CTTNBP2: variants seen among roughly 807,000 people sequenced by gnomAD.
The protein encoded by CTTNBP2 is cortactin-binding protein 2.
CTTNBP2 carries 108 observed loss-of-function variants against 156.9 expected under a neutral mutation model. The ratio of observed to expected loss-of-function variants is 0.69; its 90% CI spans 0.59 to 0.81. The LOEUF is 0.81. Ranked by LOEUF, CTTNBP2 falls within the 30% of genes least tolerant of loss-of-function variation. The pLI is 0.00. For synonymous variants in CTTNBP2, 767 were observed against 751.8 expected (o/e 1.02, Z -0.33); for missense variants, 1,924 against 2,035.4 (o/e 0.95, Z 1.05).
chr7:117,815,919 T>G (rs1380332709), intron 2 of CTTNBP2, among the ~76,000 whole-genome samples: 1 of 152,152 alleles, frequency 6.6e-6, no homozygotes, highest in Admixed American at 6.5e-5. Flanking sequence ...GGTACTTGTA[T>G]TTAACTGACG....
chr7:117,720,772 C>A (rs1376417434), intron 20 of CTTNBP2, among the ~76,000 whole-genome samples: 2 of 152,140 alleles, frequency 1.3e-5, no homozygotes, highest in Non-Finnish European at 2.9e-5. Context: ...TTCACAAATG[C>A]ATAAACAAAA....
intron 16 of CTTNBP2, among the ~76,000 whole-genome samples, chr7:117,730,181 T>C (rs1441454041): frequency 6.6e-6 from 1 of 152,108 alleles, no homozygotes; most frequent in East Asian, 1.9e-4. Flanking sequence ...CAAGTGCTGC[T>C]CCTTCTGCCC....
Position 117,868,301 on chromosome 7 carries a change from G to A in CTTNBP2, c.81+5034C>T, listed in dbSNP as rs554112708. 4.6e-5 allele frequency among the ~76,000 whole-genome samples: 7 copies of A among 152,320 alleles called. 1 individual carries two copies. In the South Asian group the frequency reaches 1.4e-3, roughly 32 times the overall value. ...ATTTTCAAATGAAAAGGCTGGGCCA[G>A]ATGAAGACGCAGGCCTTTGGAACCA... is the stretch of plus-strand genomic sequence containing the variant. On this transcript the variant is annotated intron_variant, in intron 1 of 22. Transcript: ENST00000160373.
At chr7:117,718,736 A>G (rs533349220) in intron 21 of CTTNBP2, among the ~76,000 whole-genome samples, 1 of 152,324 alleles carries the variant, frequency 6.6e-6, no homozygotes, top group South Asian at 2.1e-4. Context: ...TATGCATTAT[A>G]CAAGCTAATT....
rs34444220 is a variant in CTTNBP2 at position 117,858,326 on chromosome 7, C to T, written c.189+2883G>A. ...TGGGGCTTGCAGTGAGCCGAGATCGCACCACTGCACTCCAGCCTGGGCGAC... is the reference window on the plus strand; with the variant it reads ...TGGGGCTTGCAGTGAGCCGAGATCGTACCACTGCACTCCAGCCTGGGCGAC... On this transcript the variant is annotated intron_variant, in intron 2 of 22. Coordinates refer to ENST00000160373, the MANE Select transcript of CTTNBP2 (RefSeq NM_033427.3). 3.6e-4 allele frequency among the ~76,000 whole-genome samples: 55 copies of T among 152,236 alleles called. No homozygotes were observed. In the East Asian group the frequency reaches 9.3e-3, roughly 26 times the overall value.
At chr7:117,845,893 C>T (rs1044120941) in intron 2 of CTTNBP2, among the ~76,000 whole-genome samples, 2 of 152,002 alleles carry the variant, frequency 1.3e-5, no homozygotes, top group African/African-American at 4.8e-5. Context: ...CTTTGTCGCC[C>T]AGGCTGGAGT....
At chr7:117,772,170 C>G (rs552159749) in intron 8 of CTTNBP2, among the ~76,000 whole-genome samples, 67 of 152,226 alleles carry the variant, frequency 4.4e-4, no homozygotes, top group Admixed American at 7.2e-4. Context: ...TAGAAAGGCC[C>G]CTCACATGGC....
At chr7:117,784,170 T>C (rs549172564) in intron 5 of CTTNBP2, 81 bp downstream of exon 5, 12 of 1,033,620 alleles carry the variant, frequency 1.2e-5, no homozygotes, top group Non-Finnish European at 1.7e-5. Flanking sequence ...AATTGAACTT[T>C]CTGCTCATTA....
chr7:117,784,405 G>C lies in CTTNBP2; in HGVS notation c.2118C>G (p.Pro706=), dbSNP rs550205232. ...GAAGAAGGGTGGGCCTGCCAGCCAGGGGGGCAGGACCACCACTCATTAGCA... is the reference window on the plus strand; with the variant it reads ...GAAGAAGGGTGGGCCTGCCAGCCAGCGGGGCAGGACCACCACTCATTAGCA... ...TPLLMSGGPA[P]LAGRPTLLQQ... Residue 706 remains proline (P), a synonymous_variant, in exon 5 of 23, where the codon CCC becomes CCG. Transcript: ENST00000160373. 98 of 1,612,978 alleles carry C rather than the reference G, an allele frequency of 6.1e-5. No individual in the cohort carries two copies. The highest frequency in any genetic ancestry group is 3.0e-4 in the Admixed American group (18 of 59,724).
At chr7:117,777,012 T>C (rs1798141657) in intron 8 of CTTNBP2, among the ~76,000 whole-genome samples, 1 of 152,222 alleles carries the variant, frequency 6.6e-6, no homozygotes. Flanking sequence ...TATTATACTG[T>C]TTCTTTAATA....
chr7:117,735,178 G>C, intron 15 of CTTNBP2, 78 bp from the exon 16 acceptor site: 1 of 1,586,726 alleles, frequency 6.3e-7, no homozygotes, highest in African/African-American at 1.4e-5. Flanking sequence ...ATAACGTAAA[G>C]AACATGAAGT....
intron 6 of CTTNBP2, 129 bp from the exon 7 acceptor site, chr7:117,780,720 C>T (rs1189410998): frequency 4.4e-6 from 2 of 456,880 alleles, no homozygotes; most frequent in Non-Finnish European, 7.6e-6. Flanking sequence ...TTTCTATTTA[C>T]ATATATCAAT....
intron 22 of CTTNBP2, among the ~76,000 whole-genome samples, chr7:117,715,089 CTAGAAGCT>C (rs1433273495): frequency 6.6e-6 from 1 of 152,108 alleles, no homozygotes; most frequent in Non-Finnish European, 1.5e-5. Context: ...ACAGCATCTA[CTAGAAGCT>C]AAGAAGATAT....
intron 12 of CTTNBP2, among the ~76,000 whole-genome samples, chr7:117,750,090 T>C (rs532398684): frequency 1.3e-5 from 2 of 152,238 alleles, no homozygotes; most frequent in South Asian, 4.1e-4. Context: ...TTACTGAAAA[T>C]AAACAGGCTA....
At chr7:117,872,673 G>C (rs1323791824) in intron 1 of CTTNBP2, among the ~76,000 whole-genome samples, 1 of 152,094 alleles carries the variant, frequency 6.6e-6, no homozygotes, top group Non-Finnish European at 1.5e-5. Flanking sequence ...GCATCGTCTC[G>C]GGAAGAACCA....
At position 117,718,012 on chromosome 7, in the gene CTTNBP2, A is replaced by T; in HGVS notation, c.4746+6T>A. 6.4e-7 allele frequency: 1 copy of T among 1,560,880 alleles called. No homozygotes were observed. Among genetic ancestry groups the T allele is most frequent in the South Asian group, 1.1e-5 (1 of 89,930 alleles). ...TTGTTCACTTTGGGGAGAAAGGGAC[A>T]CTTACCTTTTGTGACACTGGCATTC... On this transcript the variant is annotated splice_donor_region_variant and intron_variant, in intron 22 of 22. Transcript: ENST00000160373.
chr7:117,731,760 C>T (rs146103886), intron 16 of CTTNBP2, among the ~76,000 whole-genome samples: 4 of 152,234 alleles, frequency 2.6e-5, no homozygotes, highest in East Asian at 1.9e-4. Flanking sequence ...GGGGGAAGCC[C>T]GGAGTTAGGT....
intron 2 of CTTNBP2, among the ~76,000 whole-genome samples, chr7:117,854,783 A>T (rs10953854): frequency 0.71 from 107,556 of 151,120 alleles, 39,036 homozygotes; most frequent in South Asian, 0.85. Context: ...TTAATTAATT[A>T]ATTTATTTAT....
intron 12 of CTTNBP2, among the ~76,000 whole-genome samples, chr7:117,748,363 A>T (rs1186968437): frequency 6.6e-6 from 1 of 152,056 alleles, no homozygotes; most frequent in African/African-American, 2.4e-5. Context: ...CATAGTCATA[A>T]TTTTTTTGGA....
Sources: gnomAD v4.1 joint callset for allele counts (sites outside exome capture counted in the v4.1 genomes callset) on GRCh38, gnomAD v4.1.1 for gene constraint, MANE v1.5 for transcripts, NCBI Gene and HGNC (gene_info 2026-07-23, HGNC 2026-07-21) for gene names.